GSN: variants seen among roughly 807,000 people sequenced by gnomAD.
The protein encoded by GSN is gelsolin.
In GSN, 56 loss-of-function variants were observed where a neutral mutation model predicts 85.7. That is an observed-to-expected ratio of 0.65 (90% CI 0.53 to 0.82). GSN has a LOEUF of 0.82. Among genes scored for constraint, GSN ranks in the 40% least tolerant of loss-of-function variants. The pLI, the probability that GSN is intolerant of heterozygous loss-of-function variation, is 0.00. For missense variants in GSN, 857 were observed against 979.8 expected (o/e 0.87, Z 1.67); for synonymous variants, 373 against 399.1 (o/e 0.93, Z 0.78).
chr9:121,271,280 G>A (rs1456484394), intron 1 of GSN, among the ~76,000 whole-genome samples: 3 of 152,104 alleles, frequency 2.0e-5, no homozygotes, highest in Admixed American at 6.5e-5. Context: ...CTTAAACCCT[G>A]GAGACGGAGG....
chr9:121,325,697 G>T (rs1271728503), intron 12 of GSN, among the ~76,000 whole-genome samples: 1 of 152,140 alleles, frequency 6.6e-6, no homozygotes, highest in Non-Finnish European at 1.5e-5. Flanking sequence ...TCGGGGGTTC[G>T]TGCCCTGACC....
At chr9:121,276,139 CT>C (rs2056638655) in intron 1 of GSN, among the ~76,000 whole-genome samples, 1 of 152,220 alleles carries the variant, frequency 6.6e-6, no homozygotes, top group Admixed American at 6.5e-5. Context: ...TGAATGAATC[CT>C]TTTTGTAACA....
intron 2 of GSN, chr9:121,286,164 CAG>C (rs1280919307): frequency 5.9e-6 from 9 of 1,534,964 alleles, no homozygotes; most frequent in Admixed American, 2.0e-5. Context: ...AAGAAGCCCT[CAG>C]GGGCAATTCT....
chr9:121,217,330 C>T (rs1397213501), intron 4 of GSN, among the ~76,000 whole-genome samples: 3 of 150,776 alleles, frequency 2.0e-5, no homozygotes, highest in Non-Finnish European at 2.9e-5. Flanking sequence ...CGCACCATTG[C>T]ACTCCAGCCT....
chr9:121,271,463 C>T (rs888955129), intron 1 of GSN, among the ~76,000 whole-genome samples: 1 of 152,206 alleles, frequency 6.6e-6, no homozygotes, highest in Non-Finnish European at 1.5e-5. Flanking sequence ...ATACTAGTAT[C>T]TTCTTTTACA....
In GSN at chr9:121,328,934, A is replaced by G; in HGVS notation, c.1806A>G (p.Thr602=). 1.2e-6 allele frequency: 2 copies of G among 1,613,720 alleles called. No individual in the cohort carries two copies. The highest frequency in any genetic ancestry group is 1.7e-6 in the Non-Finnish European group (2 of 1,179,988). The part of the protein sequence containing the change: ...EALGGKAAYR[T]SPRLKDKKMD... Reference sequence around the variant, plus strand: ...TGGGCGGGAAGGCTGCCTACCGCACATCCCCACGGCTGAAGGACAAGAAGA... The same window carrying G: ...TGGGCGGGAAGGCTGCCTACCGCACGTCCCCACGGCTGAAGGACAAGAAGA... Residue 602 remains threonine, a synonymous_variant, in exon 15 of 18, where the codon ACA becomes ACG. Coordinates refer to ENST00000432226, the MANE Select transcript of GSN (RefSeq NM_198252.3).
chr9:121,227,485 G>A (rs889024123), intron 4 of GSN, among the ~76,000 whole-genome samples: 2 of 152,266 alleles, frequency 1.3e-5, no homozygotes, highest in East Asian at 3.9e-4. Flanking sequence ...ACCCAAGTAG[G>A]TGGTAGTGGG....
intron 4 of GSN, among the ~76,000 whole-genome samples, chr9:121,217,628 A>G (rs1175842700): frequency 6.6e-6 from 1 of 151,846 alleles, no homozygotes; most frequent in Non-Finnish European, 1.5e-5. Flanking sequence ...TAATTTAATT[A>G]CCTCATTAAA....
At chr9:121,298,490 G>A (rs1051418634) in intron 2 of GSN, among the ~76,000 whole-genome samples, 2 of 152,198 alleles carry the variant, frequency 1.3e-5, no homozygotes, top group Non-Finnish European at 2.9e-5. Context: ...GATAGAGGCT[G>A]GACTTCCGGA....
chr9:121,307,736 A>AAGCACAGCTG (rs1336200338), intron 4 of GSN, among the ~76,000 whole-genome samples: 2 of 152,180 alleles, frequency 1.3e-5, no homozygotes, highest in Non-Finnish European at 2.9e-5. Flanking sequence ...TGTTTCAGGT[A>AAGCACAGCTG]AGCACAGCTG....
At position 121,318,924 on chromosome 9, in the gene GSN, A is replaced by G. The variant is rs1212438732; in HGVS notation, c.1191+44A>G. 3 of 1,460,120 alleles carry G rather than the reference A, an allele frequency of 2.1e-6. No homozygotes were observed. Among genetic ancestry groups the G allele is most frequent in the Non-Finnish European group, 2.9e-6 (3 of 1,041,198 alleles). The allele number at this position is 1,460,120 out of a possible 1,614,324, so 90.4% of individuals were successfully genotyped here. A position where few individuals can be genotyped will look rare whatever the true frequency, so the allele number is the denominator to read the frequency against. On this transcript the variant is annotated intron_variant, in intron 10 of 17. Coordinates refer to ENST00000432226, the MANE Select transcript of GSN (RefSeq NM_198252.3). This position sits in a 1 kb window ranked among gnomAD's most constrained non-coding sequence, Gnocchi z 4.3. ...GTGGGTGTGTCCAGGCCCCTCCCTC[A>G]CTTTCCCCATGCACTGCCTCTTGCT...
chr9:121,317,583 G>A (rs565476108), intron 8 of GSN: 8 of 322,970 alleles, frequency 2.5e-5, no homozygotes, highest in Middle Eastern at 1.1e-3. Context: ...TTTGTTTACT[G>A]TAGGACTTTT....
chr9:121,332,640 C>G lies in GSN; in HGVS notation c.*37C>G, dbSNP rs771042562. 1 of 1,560,984 alleles carries G rather than the reference C, an allele frequency of 6.4e-7. No individual in the cohort carries two copies. The highest frequency in any genetic ancestry group is 1.1e-5 in the South Asian group (1 of 88,756). ...GCCCACCCATGTCACCGGTCAGTGC[C>G]TTTTGGAACTGTCCTTCCCTCAAAG... On this transcript the variant is annotated 3_prime_UTR_variant, in exon 18 of 18. Transcript: ENST00000432226. This position sits in a 1 kb window ranked among gnomAD's most constrained non-coding sequence, Gnocchi z 4.8.
intron 4 of GSN, among the ~76,000 whole-genome samples, chr9:121,220,184 A>C (rs1281354028): frequency 1.3e-5 from 2 of 152,196 alleles, no homozygotes; most frequent in African/African-American, 4.8e-5. Flanking sequence ...CACCCGGCCC[A>C]CACTGCCTTT....
chr9:121,221,877 T>G (rs1410369063), intron 4 of GSN, among the ~76,000 whole-genome samples: 2 of 152,218 alleles, frequency 1.3e-5, no homozygotes, highest in Non-Finnish European at 2.9e-5. Context: ...TCAATTGATT[T>G]TATGCCTAAG....
intron 1 of GSN, among the ~76,000 whole-genome samples, chr9:121,270,752 G>T (rs1191868278): frequency 1.3e-5 from 2 of 152,184 alleles, no homozygotes; most frequent in African/African-American, 4.8e-5. Flanking sequence ...GTGACAGTGG[G>T]TCACTTTCCC....
At chr9:121,215,953 A>G (rs1324514776) in intron 4 of GSN, among the ~76,000 whole-genome samples, 1 of 152,154 alleles carries the variant, frequency 6.6e-6, no homozygotes, top group East Asian at 1.9e-4. Flanking sequence ...TGAGTGAAAC[A>G]AAACATTTCT....
intron 5 of GSN, among the ~76,000 whole-genome samples, chr9:121,235,150 A>C (rs1251098609): frequency 6.6e-6 from 1 of 152,202 alleles, no homozygotes; most frequent in Non-Finnish European, 1.5e-5. Flanking sequence ...CAACTCCCCG[A>C]ATCCGAGTTT....
At chr9:121,235,295 T>G (rs183546511) in intron 5 of GSN, among the ~76,000 whole-genome samples, 177 of 152,354 alleles carry the variant, frequency 1.2e-3, no homozygotes, top group African/African-American at 3.9e-3. Context: ...TCAAGATACC[T>G]GATGCTTTCA....
Sources: gnomAD v4.1 joint callset for allele counts (sites outside exome capture counted in the v4.1 genomes callset) on GRCh38, gnomAD v4.1.1 for gene constraint, Gnocchi (gnomAD v3.1) non-coding constraint, MANE v1.5 for transcripts, NCBI Gene and HGNC (gene_info 2026-07-23, HGNC 2026-07-21) for gene names.